VWF: variants seen among roughly 807,000 people sequenced by gnomAD.
VWF encodes von Willebrand factor.
Under a neutral mutation model 308.6 loss-of-function variants are expected in VWF, and 176 were observed. That is an observed-to-expected ratio of 0.57 (90% CI 0.50 to 0.65). The LOEUF is 0.65. Among genes scored for constraint, VWF ranks in the 30% least tolerant of loss-of-function variants. The pLI is 0.00. For synonymous variants in VWF, 1,385 were observed against 1,443.4 expected (o/e 0.96, Z 0.92); for missense variants, 3,146 against 3,648.2 (o/e 0.86, Z 3.55).
intron 21 of VWF, among the ~76,000 whole-genome samples, chr12:6,030,492 T>C (rs1330887626): frequency 6.6e-6 from 1 of 152,214 alleles, no homozygotes; most frequent in African/African-American, 2.4e-5. Flanking sequence ...GCCCAGAGCC[T>C]GGGTCTCCAC....
Position 5,949,767 on chromosome 12 carries a change from A to G in VWF, c.8253+19T>C, listed in dbSNP as rs1943158734. On this transcript the variant is annotated intron_variant, in intron 51 of 51. Coordinates refer to ENST00000261405, the MANE Select transcript of VWF (RefSeq NM_000552.5). The stretch of plus-strand genomic sequence containing the variant: ...GCTCAGCCCTCCACACCCAGCCCTT[A>G]TTGAAGCAGAGCCCTTACCTGGCAG... The G allele has an allele frequency of 1.2e-6, 2 of 1,613,088 alleles. No individual in the cohort carries two copies. Among genetic ancestry groups the G allele is most frequent in the African/African-American group, 1.3e-5 (1 of 74,932 alleles).
intron 37 of VWF, among the ~76,000 whole-genome samples, 179 bp downstream of exon 37, chr12:5,993,683 A>ATATATG (rs1384008455): frequency 6.6e-6 from 1 of 151,264 alleles, no homozygotes; most frequent in Non-Finnish European, 1.5e-5. Flanking sequence ...ACACATATAC[A>ATATATG]TATATGTATA....
intron 32 of VWF, among the ~76,000 whole-genome samples, chr12:6,012,478 C>T (rs1382950736): frequency 6.6e-6 from 1 of 152,228 alleles, no homozygotes; most frequent in Non-Finnish European, 1.5e-5. Flanking sequence ...AAGAGATCTA[C>T]TTGAAGATTC....
At chr12:6,120,672 A>G (rs1945419476) in intron 3 of VWF, among the ~76,000 whole-genome samples, 1 of 152,058 alleles carries the variant, frequency 6.6e-6, no homozygotes, top group East Asian at 1.9e-4. Context: ...TTGGTTCTCC[A>G]TTGGTAAAAC....
In VWF at chr12:5,994,369, T is replaced by A. The variant is rs749107323; in HGVS notation, c.6256+46A>T. The A allele has an allele frequency of 3.1e-6, 5 of 1,610,072 alleles. No homozygotes were observed. In the Admixed American group the frequency reaches 6.7e-5, roughly 21 times the overall value. ...CTCAGAGTAGAGCAAGTAAGGTTTATAAATGTATAGCAGGGGGAGAAGAGG... is the reference window on the plus strand; with the variant it reads ...CTCAGAGTAGAGCAAGTAAGGTTTAAAAATGTATAGCAGGGGGAGAAGAGG... On this transcript the variant is annotated intron_variant, in intron 36 of 51. Coordinates refer to ENST00000261405, the MANE Select transcript of VWF (RefSeq NM_000552.5).
chr12:5,965,833 C>T (rs1943395680), intron 47 of VWF, among the ~76,000 whole-genome samples: 1 of 152,236 alleles, frequency 6.6e-6, no homozygotes, highest in South Asian at 2.1e-4. Context: ...TTCAGCAAGG[C>T]TTGAGAGATG....
In VWF at chr12:6,023,751, C is replaced by T. The variant is rs771087646; in HGVS notation, c.3259G>A (p.Asp1087Asn). Reference protein sequence around the residue: ...PEPYLDVCIYDTCSCESIGDC... With the variant: ...PEPYLDVCIYNTCSCESIGDC... ...CCAATGGACTCACAGGAGCAGGTGT[C>T]GTAAATGCAGACATCCAGATATGGC... The change falls in exon 25 of 52, where the codon GAC (aspartate) becomes AAC (asparagine). Residue 1087 changes from aspartate (D) to asparagine (N), a missense_variant. Physicochemically the swap from Asp to Asn is conservative, Grantham distance 23 (BLOSUM62 1). Transcript: ENST00000261405. The T allele has an allele frequency of 1.4e-5, 22 of 1,613,194 alleles. No homozygotes were observed. Among genetic ancestry groups the T allele is most frequent in the African/African-American group, 5.4e-5 (4 of 74,328 alleles).
At position 6,082,120 on chromosome 12, in the gene VWF, C is replaced by A. The variant is rs554688384; in HGVS notation, c.658-6569G>T. On this transcript the variant is annotated intron_variant, in intron 6 of 51. Transcript: ENST00000261405. ...TAGCTGATATTACAGGTGCACACCA[C>A]CACGCCCGGCTAATTTTTGTATTTT... Among the ~76,000 whole-genome samples the A allele has an allele frequency of 2.0e-5, 3 of 152,196 alleles. No individual in the cohort carries two copies. In the South Asian group the frequency reaches 6.2e-4, roughly 32 times the overall value.
At chr12:5,970,618 G>A (rs1301393218) in intron 44 of VWF, among the ~76,000 whole-genome samples, 8 of 152,180 alleles carry the variant, frequency 5.3e-5, no homozygotes, top group Admixed American at 1.3e-4. Flanking sequence ...TAGGCAACTC[G>A]GACTAGAGGG....
chr12:6,047,842 A>G (rs1323350660), intron 16 of VWF, among the ~76,000 whole-genome samples: 1 of 152,220 alleles, frequency 6.6e-6, no homozygotes, highest in East Asian at 1.9e-4. Context: ...TGATTGACAT[A>G]GGTTGTCACC....
chr12:6,011,887 C>T (rs2136403744), intron 33 of VWF, 93 bp from the exon 34 acceptor site: 2 of 1,387,124 alleles, frequency 1.4e-6, no homozygotes, highest in East Asian at 2.3e-5. Flanking sequence ...TAGAATTGAA[C>T]ACAGGCCTAC....
intron 5 of VWF, among the ~76,000 whole-genome samples, chr12:6,106,859 G>A: frequency 9.0e-6 from 1 of 110,568 alleles, no homozygotes; most frequent in South Asian, 3.2e-4. Context: ...TGGGCAACAA[G>A]AGTGAAACTC....
chr12:6,046,646 G>T lies in VWF; in HGVS notation c.2281+77C>A. On this transcript the variant is annotated intron_variant, in intron 17 of 51. Coordinates refer to ENST00000261405, the MANE Select transcript of VWF (RefSeq NM_000552.5). This position sits in a 1 kb window ranked among gnomAD's most constrained non-coding sequence, Gnocchi z 5.0. Reference sequence around the variant, plus strand: ...CACGCACATCTGACGGTGTCACCCAGCTCTCTCCCGCCATTCCACACGTGA... The same window carrying T: ...CACGCACATCTGACGGTGTCACCCATCTCTCTCCCGCCATTCCACACGTGA... The T allele has an allele frequency of 7.1e-7, 1 of 1,407,804 alleles. No homozygotes were observed. Among genetic ancestry groups the T allele is most frequent in the Non-Finnish European group, 1.0e-6 (1 of 993,634 alleles). The allele number at this position is 1,407,804 out of a possible 1,614,324, so 87.2% of individuals were successfully genotyped here.
chr12:6,010,360 T>A (rs571653740), intron 34 of VWF, among the ~76,000 whole-genome samples: 29 of 152,176 alleles, frequency 1.9e-4, no homozygotes, highest in Non-Finnish European at 3.4e-4. Flanking sequence ...TGGAGATGCA[T>A]GCACTCTCAT....
At chr12:6,114,845 G>A (rs574288542) in intron 3 of VWF, among the ~76,000 whole-genome samples, 20 of 152,280 alleles carry the variant, frequency 1.3e-4, no homozygotes, top group Admixed American at 2.6e-4. Flanking sequence ...GGATGATTCA[G>A]GTTCTGGTAA....
At chr12:6,027,804 G>C (rs1463542651) in intron 22 of VWF, among the ~76,000 whole-genome samples, 4 of 150,962 alleles carry the variant, frequency 2.6e-5, no homozygotes, top group South Asian at 2.1e-4. Flanking sequence ...AGTTTTTGGT[G>C]ATTTGTTATA....
chr12:6,000,842 A>G (rs1299922699), intron 34 of VWF, among the ~76,000 whole-genome samples: 1 of 150,484 alleles, frequency 6.6e-6, no homozygotes, highest in East Asian at 1.9e-4. Flanking sequence ...AAAGAAATCT[A>G]CTAGAGAACA....
chr12:6,108,334 T>TACACACACACACACAC (rs34140032), intron 5 of VWF, among the ~76,000 whole-genome samples: 63 of 124,180 alleles, frequency 5.1e-4, no homozygotes, highest in Middle Eastern at 4.4e-3. Flanking sequence ...AAGAAATATA[T>TACACACACACACACAC]ACACACACAC....
At chr12:5,980,043 A>G (rs1943579126) in intron 42 of VWF, among the ~76,000 whole-genome samples, 1 of 149,056 alleles carries the variant, frequency 6.7e-6, no homozygotes, top group Admixed American at 6.7e-5. Flanking sequence ...TCCATCTCAA[A>G]AAAAAAAAAG....
Sources: gnomAD v4.1 joint callset for allele counts (sites outside exome capture counted in the v4.1 genomes callset) on GRCh38, gnomAD v4.1.1 for gene constraint, Gnocchi (gnomAD v3.1) non-coding constraint, MANE v1.5 for transcripts, NCBI Gene and HGNC (gene_info 2026-07-23, HGNC 2026-07-21) for gene names.